The following NOX4 variants were observed in gnomAD, a reference collection of about 807,000 sequenced individuals.
The protein encoded by NOX4 is NADPH oxidase 4, also known as kidney oxidase-1.
Under a neutral mutation model 87.6 loss-of-function variants are expected in NOX4, and 69 were observed. The observed-to-expected ratio is 0.79, with a 90% CI of 0.65 to 0.96. The LOEUF (loss-of-function observed/expected upper bound fraction) is 0.96, where lower values mean the gene tolerates loss of function less well. Among genes scored for constraint, NOX4 ranks in the 40% least tolerant of loss-of-function variants. NOX4 has a pLI of 0.00. For missense variants in NOX4, 680 were observed against 681.5 expected (o/e 1.00, Z 0.02); for synonymous variants, 275 against 238.2 (o/e 1.15, Z -1.42).
At chr11:89,476,550 C>G (rs1201977040) in intron 2 of NOX4, among the ~76,000 whole-genome samples, 1 of 140,616 alleles carries the variant, frequency 7.1e-6, no homozygotes, top group African/African-American at 3.0e-5. Context: ...TAACAAGTAA[C>G]TAAAAAAATG....
chr11:89,530,491 T>C, the NOX4 span, among the ~76,000 whole-genome samples: 1 of 150,982 alleles, frequency 6.6e-6, no homozygotes, highest in Non-Finnish European at 1.5e-5. Flanking sequence ...TACAGGCATG[T>C]GCCACCACAT....
chr11:89,356,566 G>C (rs1002101506), intron 12 of NOX4, among the ~76,000 whole-genome samples: 2 of 152,010 alleles, frequency 1.3e-5, no homozygotes, highest in Non-Finnish European at 2.9e-5. Context: ...CTATGGAAAG[G>C]CTTCCTTGAT....
chr11:89,397,450 G>T lies in NOX4; in HGVS notation c.1074+2567C>A, dbSNP rs148118970. Among the ~76,000 whole-genome samples, 1,092 of 151,998 alleles carry T rather than the reference G, an allele frequency of 7.2e-3. 11 individuals carry two copies. The highest frequency in any genetic ancestry group is 0.025 in the African/African-American group (1,017 of 41,466). On this transcript the variant is annotated intron_variant, in intron 11 of 17. Coordinates refer to ENST00000263317, the MANE Select transcript of NOX4 (RefSeq NM_016931.5). ...AAACGAATACAAAAGCTAGCAGAAG[G>T]CAAGAAATAACTAAGATCAGAGCTG...
intron 7 of NOX4, among the ~76,000 whole-genome samples, chr11:89,431,225 A>C (rs377008713): frequency 1.2e-3 from 189 of 152,306 alleles, no homozygotes; most frequent in South Asian, 9.1e-3. Context: ...TAAAGACTTA[A>C]ATGTTAGACC....
chr11:89,497,095 G>A (rs1946963639), upstream of NOX4, among the ~76,000 whole-genome samples: 1 of 152,172 alleles, frequency 6.6e-6, no homozygotes, highest in Non-Finnish European at 1.5e-5. Context: ...ATGCAGTTGT[G>A]GTTGGCAGCT....
intron 2 of NOX4, among the ~76,000 whole-genome samples, chr11:89,485,992 T>C (rs1351653533): frequency 6.6e-6 from 1 of 152,254 alleles, no homozygotes; most frequent in East Asian, 1.9e-4. Context: ...TGGGGAAGGA[T>C]AATCATGATG....
chr11:89,410,208 C>T (rs1048807443), intron 8 of NOX4, among the ~76,000 whole-genome samples: 22 of 152,052 alleles, frequency 1.4e-4, no homozygotes, highest in Admixed American at 2.6e-4. Flanking sequence ...ATTCCTTTGG[C>T]GTGGGAATCA....
chr11:89,569,458 G>T, the NOX4 span, among the ~76,000 whole-genome samples: 1 of 152,124 alleles, frequency 6.6e-6, no homozygotes, highest in African/African-American at 2.4e-5. Flanking sequence ...ATGAAAAAAT[G>T]CTCAACATCA....
At chr11:89,334,903 G>A (rs746454262) in intron 17 of NOX4, among the ~76,000 whole-genome samples, 18 of 151,466 alleles carry the variant, frequency 1.2e-4, no homozygotes, top group Admixed American at 2.0e-4. Context: ...ATGGGTTAAT[G>A]GGACAGAAAT....
At chr11:89,360,232 T>A (rs1591018741) in intron 12 of NOX4, among the ~76,000 whole-genome samples, 1 of 152,164 alleles carries the variant, frequency 6.6e-6, no homozygotes, top group East Asian at 1.9e-4. Context: ...AGAGTATACA[T>A]GAGAAAGGAG....
the NOX4 span, among the ~76,000 whole-genome samples, chr11:89,505,661 A>C: frequency 4.6e-5 from 7 of 151,838 alleles, no homozygotes; most frequent in African/African-American, 1.4e-4. Flanking sequence ...ATTTGATGGG[A>C]GTGTAATGTG....
At chr11:89,587,069 T>C in the NOX4 span, among the ~76,000 whole-genome samples, 2 of 152,104 alleles carry the variant, frequency 1.3e-5, no homozygotes, top group Admixed American at 6.6e-5. Flanking sequence ...AAAGGCAACT[T>C]TTGGGAGCAA....
chr11:89,492,636 G>C (rs942492737), upstream of NOX4, among the ~76,000 whole-genome samples: 1 of 152,102 alleles, frequency 6.6e-6, no homozygotes, highest in African/African-American at 2.4e-5. Flanking sequence ...AATCCAGAAA[G>C]CTGTCCTAAA....
chr11:89,334,378 C>A (rs1168971226), intron 17 of NOX4, among the ~76,000 whole-genome samples: 1 of 151,678 alleles, frequency 6.6e-6, no homozygotes, highest in African/African-American at 2.4e-5. Flanking sequence ...CATCTTCATC[C>A]CAAAACTACT....
chr11:89,451,566 C>G (rs928927306), intron 3 of NOX4, among the ~76,000 whole-genome samples: 4 of 152,168 alleles, frequency 2.6e-5, no homozygotes, highest in African/African-American at 9.7e-5. Flanking sequence ...AAGCATAGTG[C>G]TGGAAATCCC....
In NOX4 at chr11:89,427,276, A is replaced by C. The variant is rs190998349; in HGVS notation, c.549-5294T>G. 1.5e-3 allele frequency among the ~76,000 whole-genome samples: 225 copies of C among 152,288 alleles called. 2 individuals are homozygous for C. The highest frequency in any genetic ancestry group is 5.0e-3 in the African/African-American group (206 of 41,560). ...ATAAAACCACAAAGATGGGGAAAAA[A>C]ACAGAGCAGAAAAGCTGAAAATTCT... On this transcript the variant is annotated intron_variant, in intron 7 of 17. Transcript: ENST00000263317.
the NOX4 span, among the ~76,000 whole-genome samples, chr11:89,572,184 T>A: frequency 6.6e-6 from 1 of 152,228 alleles, no homozygotes; most frequent in Admixed American, 6.5e-5. Context: ...TGAGGCTCTG[T>A]CAGGGGCCAT....
At chr11:89,447,072 GA>G (rs376125249) in intron 4 of NOX4, among the ~76,000 whole-genome samples, 84 of 151,516 alleles carry the variant, frequency 5.5e-4, no homozygotes, top group African/African-American at 1.8e-3. Context: ...TTTTTAAGAG[GA>G]AAAAAAATGG....
At chr11:89,521,641 TC>T in the NOX4 span, among the ~76,000 whole-genome samples, 191 of 151,260 alleles carry the variant, frequency 1.3e-3, 1 homozygote, top group Non-Finnish European at 1.4e-3. Context: ...TATGATTAAG[TC>T]CTCAAAAGCA....
Sources: gnomAD v4.1 joint callset for allele counts (sites outside exome capture counted in the v4.1 genomes callset) on GRCh38, gnomAD v4.1.1 for gene constraint, MANE v1.5 for transcripts, NCBI Gene and HGNC (gene_info 2026-07-23, HGNC 2026-07-21) for gene names.